Variants in CNTN4 observed in about 807,000 individuals in gnomAD.
The protein encoded by CNTN4 is contactin-4.
Under a neutral mutation model 122.5 loss-of-function variants are expected in CNTN4, and 77 were observed. The observed-to-expected ratio is 0.63, with a 90% CI of 0.52 to 0.76. The LOEUF (loss-of-function observed/expected upper bound fraction) is 0.76. CNTN4 is among the 30% of genes least tolerant of loss of function. CNTN4 has a pLI of 0.00. For missense variants in CNTN4, 1,256 were observed against 1,259.1 expected (o/e 1.00, Z 0.04); for synonymous variants, 512 against 447.0 (o/e 1.15, Z -1.83).
intron 12 of CNTN4, among the ~76,000 whole-genome samples, chr3:2,919,275 C>CCTT (rs1392820543): frequency 1.3e-5 from 2 of 151,016 alleles, no homozygotes; most frequent in Non-Finnish European, 2.9e-5. Context: ...TCACTTGAAC[C>CCTT]CAGAAGGCGG....
At chr3:2,592,444 T>G (rs1257389407) in intron 4 of CNTN4, among the ~76,000 whole-genome samples, 1 of 152,206 alleles carries the variant, frequency 6.6e-6, no homozygotes, top group Non-Finnish European at 1.5e-5. Context: ...ATCTTGTAGC[T>G]CCCATAATTC....
intron 2 of CNTN4, among the ~76,000 whole-genome samples, chr3:2,158,189 C>G (rs2035802889): frequency 6.6e-6 from 1 of 151,950 alleles, no homozygotes; most frequent in Non-Finnish European, 1.5e-5. Flanking sequence ...GTTTATGTTC[C>G]AGAAATAAAA....
intron 4 of CNTN4, among the ~76,000 whole-genome samples, chr3:2,692,553 C>A (rs2085798773): frequency 6.6e-6 from 1 of 152,022 alleles, no homozygotes; most frequent in African/African-American, 2.4e-5. Context: ...CTTTCTGAGG[C>A]CTGTTGCTGT....
intron 2 of CNTN4, among the ~76,000 whole-genome samples, chr3:2,281,461 G>GT (rs2041711059): frequency 6.6e-6 from 1 of 152,044 alleles, no homozygotes; most frequent in Non-Finnish European, 1.5e-5. Flanking sequence ...CCCTTGAAGT[G>GT]TTTTTTAATC....
intron 2 of CNTN4, among the ~76,000 whole-genome samples, chr3:2,153,974 C>G (rs1194330721): frequency 2.0e-5 from 3 of 152,158 alleles, no homozygotes; most frequent in African/African-American, 7.2e-5. Context: ...TGTAACTTCT[C>G]TTTAGCTCTA....
intron 3 of CNTN4, among the ~76,000 whole-genome samples, chr3:2,497,610 G>T (rs1036284216): frequency 6.6e-6 from 1 of 152,136 alleles, no homozygotes; most frequent in Non-Finnish European, 1.5e-5. Flanking sequence ...TATAAGCATT[G>T]TGGCATATGA....
chr3:2,482,889 G>A (rs565303399), intron 3 of CNTN4, among the ~76,000 whole-genome samples: 1 of 152,322 alleles, frequency 6.6e-6, no homozygotes, highest in Non-Finnish European at 1.5e-5. Context: ...AGCCCTCATG[G>A]AGAACCTTTG....
chr3:2,667,285 A>G (rs1377444379), intron 4 of CNTN4, among the ~76,000 whole-genome samples: 1 of 152,130 alleles, frequency 6.6e-6, no homozygotes, highest in Non-Finnish European at 1.5e-5. Flanking sequence ...TTGCCATTCT[A>G]ACTGGTGTGA....
At chr3:2,984,870 T>G (rs1260619403) in intron 13 of CNTN4, among the ~76,000 whole-genome samples, 3 of 152,376 alleles carry the variant, frequency 2.0e-5, no homozygotes, top group East Asian at 1.9e-4. Context: ...AATTCTCATA[T>G]GCCAGTGTTT....
intron 2 of CNTN4, among the ~76,000 whole-genome samples, chr3:2,108,165 C>CTT (rs55760208): frequency 9.7e-5 from 12 of 124,048 alleles, no homozygotes; most frequent in African/African-American, 2.7e-4. Flanking sequence ...TGTGCCTTTT[C>CTT]TTTTTTTTTT....
intron 13 of CNTN4, chr3:2,927,173 T>C: frequency 3.2e-6 from 1 of 311,216 alleles, no homozygotes. Context: ...ATGTCAAAAA[T>C]CATGAATGAA....
intron 3 of CNTN4, among the ~76,000 whole-genome samples, chr3:2,458,727 A>G (rs1005754474): frequency 2.0e-5 from 3 of 152,038 alleles, no homozygotes; most frequent in Non-Finnish European, 2.9e-5. Context: ...AGGTTGTTTT[A>G]TATAACTAGA....
At chr3:2,120,807 CTGT>C (rs2033723771) in intron 2 of CNTN4, among the ~76,000 whole-genome samples, 1 of 82,256 alleles carries the variant, frequency 1.2e-5, no homozygotes, top group African/African-American at 3.2e-5. Flanking sequence ...GAGTGAAATA[CTGT>C]CTAAGTGAAT....
intron 2 of CNTN4, among the ~76,000 whole-genome samples, chr3:2,185,092 T>C (rs971863826): frequency 6.6e-6 from 1 of 152,164 alleles, no homozygotes; most frequent in Non-Finnish European, 1.5e-5. Context: ...AAGACAACTT[T>C]GGTTTGAATG....
rs149132806 is a variant in CNTN4 at position 2,516,566 on chromosome 3, A to T, written c.-88-54850A>T. Among the ~76,000 whole-genome samples, 1,082 of 152,204 alleles carry T rather than the reference A, an allele frequency of 7.1e-3. 11 individuals are homozygous for T. The highest frequency in any genetic ancestry group is 0.017 in the Middle Eastern group (5 of 294). ...GTTTTATTGTATAGTTAAAAAGGTA[A>T]AGTAAATTGGACATAGACATGACTC... is the stretch of plus-strand genomic sequence containing the variant. On this transcript the variant is annotated intron_variant, in intron 3 of 24. Transcript: ENST00000418658.
At chr3:2,792,390 C>T (rs1559508417) in intron 6 of CNTN4, among the ~76,000 whole-genome samples, 1 of 152,114 alleles carries the variant, frequency 6.6e-6, no homozygotes, top group African/African-American at 2.4e-5. Flanking sequence ...ATCCATGATC[C>T]TCCTAGTTTG....
intron 3 of CNTN4, among the ~76,000 whole-genome samples, chr3:2,394,999 C>T (rs1206104861): frequency 1.3e-5 from 2 of 152,028 alleles, no homozygotes; most frequent in African/African-American, 4.8e-5. Context: ...GTTGGCCAGG[C>T]TGGTCTTGAA....
In CNTN4 at chr3:2,155,569, A is replaced by G. The variant is rs144280774; in HGVS notation, c.-145+54930A>G. Among the ~76,000 whole-genome samples the G allele has an allele frequency of 3.8e-3, 580 of 152,334 alleles. 4 individuals carry two copies. The highest frequency in any genetic ancestry group is 0.013 in the African/African-American group (555 of 41,578). The stretch of plus-strand genomic sequence containing the variant: ...GTTTTTAAGTGAATTAAGTGTTTTA[A>G]GTGAATTAGGTGTTTCAGCTATGTC... On this transcript the variant is annotated intron_variant, in intron 2 of 24. Coordinates refer to ENST00000418658, the MANE Select transcript of CNTN4 (RefSeq NM_175607.3).
At chr3:2,433,802 A>G (rs982684323) in intron 3 of CNTN4, among the ~76,000 whole-genome samples, 6 of 152,086 alleles carry the variant, frequency 3.9e-5, no homozygotes, top group African/African-American at 1.4e-4. Flanking sequence ...TAGGTTTACG[A>G]TGTGAGGTAA....
Sources: allele counts gnomAD v4.1 joint callset (sites outside exome capture counted in the v4.1 genomes callset), GRCh38; gene constraint gnomAD v4.1.1; transcripts MANE v1.5; gene names NCBI Gene and HGNC (gene_info 2026-07-23, HGNC 2026-07-21).